Variants in PEX5L observed in about 807,000 individuals in gnomAD.
PEX5L encodes peroxisomal biogenesis factor 5 like.
A neutral mutation model predicts 84.0 loss-of-function variants in PEX5L; 30 were observed. The observed-to-expected ratio is 0.36, with a 90% CI of 0.27 to 0.48. The LOEUF is 0.48. Ranked by LOEUF, PEX5L falls within the 20% of genes least tolerant of loss-of-function variation. The pLI is 0.99. For synonymous variants in PEX5L, 270 were observed against 283.1 expected (o/e 0.95, Z 0.46); for missense variants, 533 against 754.6 (o/e 0.71, Z 3.44).
intron 1 of PEX5L, among the ~76,000 whole-genome samples, chr3:179,986,181 T>A (rs6807148): frequency 0.15 from 22,318 of 149,874 alleles, 2,157 homozygotes; most frequent in African/African-American, 0.26. Flanking sequence ...TATATATATA[T>A]AACTTTATGT....
intron 2 of PEX5L, among the ~76,000 whole-genome samples, chr3:179,925,383 C>G (rs960819337): frequency 2.0e-5 from 3 of 151,966 alleles, no homozygotes. Context: ...TCCAGAGTTT[C>G]TTTATGTCCA....
At chr3:179,956,966 A>G (rs1780737738) in intron 2 of PEX5L, among the ~76,000 whole-genome samples, 3 of 152,164 alleles carry the variant, frequency 2.0e-5, no homozygotes. Flanking sequence ...AAGATGAGTA[A>G]GGTTTGAATG....
intron 1 of PEX5L, among the ~76,000 whole-genome samples, chr3:179,985,514 G>C (rs947888665): frequency 6.6e-6 from 1 of 151,940 alleles, no homozygotes; most frequent in Non-Finnish European, 1.5e-5. Flanking sequence ...TCACTCTTCT[G>C]CTTGCCAGGA....
chr3:179,868,363 T>C (rs1749124178), intron 7 of PEX5L, among the ~76,000 whole-genome samples: 2 of 152,108 alleles, frequency 1.3e-5, no homozygotes, highest in African/African-American at 4.8e-5. Flanking sequence ...TAATCTCATA[T>C]TACACATAGG....
rs1344778115 is a variant in PEX5L, at chr3:179,874,311, T to A, written c.726+16A>T. On this transcript the variant is annotated intron_variant, in intron 7 of 14. Transcript: ENST00000467460. ...TATAGGGAAAGATGTGTTCATTGAA[T>A]AATCAGTTTTGTTACCTGAGTCGGA... 1.4e-6 allele frequency: 2 copies of A among 1,412,868 alleles called. No individual in the cohort carries two copies. The highest frequency in any genetic ancestry group is 1.7e-5 in the Admixed American group (1 of 59,316). 87.5% of individuals were successfully genotyped at this position (1,412,868 alleles called of 1,614,324 possible).
intron 1 of PEX5L, among the ~76,000 whole-genome samples, chr3:179,974,990 A>G (rs1420098059): frequency 6.6e-6 from 1 of 152,188 alleles, no homozygotes; most frequent in Non-Finnish European, 1.5e-5. Flanking sequence ...TGAGGCCAGG[A>G]GTCCAAGACT....
intron 2 of PEX5L, among the ~76,000 whole-genome samples, chr3:179,946,674 C>A (rs971324335): frequency 1.3e-5 from 2 of 152,156 alleles, no homozygotes; most frequent in African/African-American, 2.4e-5. Flanking sequence ...AATCAGAATC[C>A]CTGGGCGTGA....
At chr3:179,898,369 A>T in intron 2 of PEX5L, 123 bp from the exon 3 acceptor site, 1 of 608,852 alleles carries the variant, frequency 1.6e-6, no homozygotes, top group Admixed American at 3.1e-5. Context: ...GCTGCAAGTG[A>T]ATCTTGAGGC....
intron 1 of PEX5L, among the ~76,000 whole-genome samples, chr3:179,985,300 A>C (rs1315322373): frequency 1.3e-5 from 2 of 152,246 alleles, no homozygotes; most frequent in East Asian, 3.9e-4. Flanking sequence ...GGCTTCATCC[A>C]ATTCAAGCAT....
intron 2 of PEX5L, among the ~76,000 whole-genome samples, chr3:179,942,812 T>C (rs1578759226): frequency 6.6e-6 from 1 of 152,224 alleles, no homozygotes; most frequent in East Asian, 1.9e-4. Flanking sequence ...GACGCAGCTT[T>C]CAGATTGATC....
Position 179,859,124 on chromosome 3 carries a change from C to G in PEX5L, c.760G>C (p.Ala254Pro). The change falls in exon 8 of 15, where the codon GCA becomes CCA. Residue 254 changes from alanine (A) to proline (P), a missense_variant. Ala to Pro is a conservative substitution (Grantham distance 27). Around this residue, in one of 8 missense-constraint regions of PEX5L, gnomAD observed 259 missense variants for 301.7 expected, o/e 0.86. Transcript: ENST00000467460. ...AAGGAGTGGTTTCTAGAAAGTAATG[C>G]GCTTCCCCAGCGATGTTCTTTGGTC... ...RLTKEHRWGS[A>P]LLSRNHSLEE... 6.2e-7 allele frequency: 1 copy of G among 1,613,918 alleles called. No homozygotes were observed. The highest frequency in any genetic ancestry group is 8.5e-7 in the Non-Finnish European group (1 of 1,179,818).
intron 1 of PEX5L, among the ~76,000 whole-genome samples, chr3:179,989,659 A>G (rs191554675): frequency 1.7e-4 from 26 of 152,282 alleles, no homozygotes; most frequent in Admixed American, 3.9e-4. Context: ...TTTATTTCCC[A>G]TAAACTTGGC....
intron 2 of PEX5L, among the ~76,000 whole-genome samples, chr3:179,910,042 T>A (rs1764647485): frequency 6.6e-6 from 1 of 152,260 alleles, no homozygotes; most frequent in African/African-American, 2.4e-5. Context: ...GCGGTCTTAC[T>A]CTTACATCTC....
intron 2 of PEX5L, among the ~76,000 whole-genome samples, chr3:179,941,777 T>C (rs1234103890): frequency 6.6e-6 from 1 of 152,040 alleles, no homozygotes; most frequent in Non-Finnish European, 1.5e-5. Flanking sequence ...AATCCCAGGA[T>C]TTTGTGAGGC....
At chr3:179,939,812 T>C (rs1479648067) in intron 2 of PEX5L, among the ~76,000 whole-genome samples, 1 of 152,094 alleles carries the variant, frequency 6.6e-6, no homozygotes, top group African/African-American at 2.4e-5. Context: ...GTGAGTGTCC[T>C]GAGAAGAGCA....
At chr3:179,929,922 C>T (rs538291949) in intron 2 of PEX5L, among the ~76,000 whole-genome samples, 1 of 152,348 alleles carries the variant, frequency 6.6e-6, no homozygotes, top group East Asian at 1.9e-4. Flanking sequence ...CCACGGGCTT[C>T]CACATATTCC....
At chr3:179,982,536 C>T (rs577105283) in intron 1 of PEX5L, among the ~76,000 whole-genome samples, 335 of 152,222 alleles carry the variant, frequency 2.2e-3, no homozygotes, top group Middle Eastern at 0.017. Context: ...GGAAAGATTT[C>T]TTGAACAATG....
At chr3:180,006,739 A>T (rs970638852) in intron 1 of PEX5L, among the ~76,000 whole-genome samples, 7 of 152,220 alleles carry the variant, frequency 4.6e-5, no homozygotes, top group Non-Finnish European at 7.3e-5. Context: ...GGAAGAAGCA[A>T]AAGCGGAAAC....
intron 1 of PEX5L, among the ~76,000 whole-genome samples, chr3:179,975,493 A>G (rs1785661050): frequency 6.6e-6 from 1 of 152,240 alleles, no homozygotes; most frequent in Non-Finnish European, 1.5e-5. Flanking sequence ...TGTACAAATT[A>G]GCCCTAACTG....
Sources: gnomAD v4.1 joint callset for allele counts (sites outside exome capture counted in the v4.1 genomes callset) on GRCh38, gnomAD v4.1.1 for gene constraint, gnomAD v4.1.1 regional missense constraint, MANE v1.5 for transcripts, NCBI Gene and HGNC (gene_info 2026-07-23, HGNC 2026-07-21) for gene names.